The following ESRRB variants were observed in gnomAD, a reference collection of about 807,000 sequenced individuals.
ESRRB encodes the protein estrogen related receptor beta, also known as steroid hormone receptor ERR2.
In ESRRB, 16 loss-of-function variants were observed where a neutral mutation model predicts 46.0. The ratio of observed to expected loss-of-function variants is 0.35; its 90% CI spans 0.24 to 0.53. The LOEUF (loss-of-function observed/expected upper bound fraction) is 0.53. ESRRB is among the 20% of genes least tolerant of loss of function. The pLI, the probability that ESRRB is intolerant of heterozygous loss-of-function variation, is 0.93. For synonymous variants in ESRRB, 246 were observed against 259.6 expected, an observed-to-expected ratio of 0.95 and a Z score of 0.50; for missense variants, 488 against 607.4, an observed-to-expected ratio of 0.80 and a Z score of 2.07.
At chr14:76,341,797 T>A (rs1283680408) in intron 1 of ESRRB, among the ~76,000 whole-genome samples, 1 of 152,176 alleles carries the variant, frequency 6.6e-6, no homozygotes, top group African/African-American at 2.4e-5. Context: ...GGGAAGTGAG[T>A]AAGGCTGGGC....
intron 1 of ESRRB, among the ~76,000 whole-genome samples, chr14:76,352,340 C>T (rs1402000141): frequency 6.6e-6 from 1 of 152,164 alleles, no homozygotes; most frequent in South Asian, 2.1e-4. Context: ...AACCTGTTGG[C>T]GGCCACTGAG....
At chr14:76,447,585 G>A (rs1193093245) in intron 2 of ESRRB, among the ~76,000 whole-genome samples, 1 of 152,078 alleles carries the variant, frequency 6.6e-6, no homozygotes, top group Non-Finnish European at 1.5e-5. Flanking sequence ...GTTGCACGAA[G>A]TCTTAAACAG....
chr14:76,361,406 C>T (rs1213862054), intron 1 of ESRRB, among the ~76,000 whole-genome samples: 1 of 152,166 alleles, frequency 6.6e-6, no homozygotes, highest in East Asian at 1.9e-4. Flanking sequence ...CATTATCTCT[C>T]CATTACCTCC....
chr14:76,326,159 A>G (rs59178434), intron 1 of ESRRB, among the ~76,000 whole-genome samples: 3,572 of 152,068 alleles, frequency 0.023, 150 homozygotes, highest in African/African-American at 0.082. Context: ...TTTCTTGTAT[A>G]CCTGCTCAGA....
intron 1 of ESRRB, among the ~76,000 whole-genome samples, chr14:76,312,502 G>T (rs548185184): frequency 6.6e-6 from 1 of 151,506 alleles, no homozygotes; most frequent in South Asian, 2.1e-4. Flanking sequence ...CAGTAAGACC[G>T]CATTCAGTAG....
chr14:76,358,323 A>AAAAGAAAGAAAGAAAGAAAG (rs869092343), intron 1 of ESRRB, among the ~76,000 whole-genome samples: 28 of 53,098 alleles, frequency 5.3e-4, no homozygotes, highest in Admixed American at 1.2e-3. Context: ...AAAAAAAAAA[A>AAAAGAAAGAAAGAAAGAAAG]AAAGAAAGAA....
At chr14:76,358,901 G>A (rs1884430955) in intron 1 of ESRRB, among the ~76,000 whole-genome samples, 1 of 152,178 alleles carries the variant, frequency 6.6e-6, no homozygotes, top group East Asian at 1.9e-4. Context: ...CATGACTTGA[G>A]CGCTTGTGAA....
At chr14:76,497,975 A>G (rs1890496031) in intron 6 of ESRRB, among the ~76,000 whole-genome samples, 1 of 151,850 alleles carries the variant, frequency 6.6e-6, no homozygotes, top group African/African-American at 2.4e-5. Flanking sequence ...CTCTGCTGCC[A>G]CCCCCTGGTG....
rs1294082707 is a variant in ESRRB, at chr14:76,439,615, G to C, written c.325G>C (p.Ala109Pro). The C allele has an allele frequency of 4.3e-6, 7 of 1,614,106 alleles. No homozygotes were observed. The highest frequency in any genetic ancestry group is 5.9e-6 in the Non-Finnish European group (7 of 1,180,038). Residue 109 changes from alanine to proline, a missense_variant, in exon 2 of 7, where the codon GCC becomes CCC. Physicochemically the swap from Ala to Pro is conservative, Grantham distance 27 (BLOSUM62 -1). Coordinates refer to ENST00000644823, the MANE Select transcript of ESRRB (RefSeq NM_001379180.1). ...TGCCAGCGGCATCATGGAGGACTCGGCCATCAAGTGCGAGTACATGCTCAA... is the reference window on the plus strand; with the variant it reads ...TGCCAGCGGCATCATGGAGGACTCGCCCATCAAGTGCGAGTACATGCTCAA... ...DCASGIMEDS[A>P]IKCEYMLNAI...
intron 1 of ESRRB, among the ~76,000 whole-genome samples, chr14:76,413,204 G>A (rs1000782269): frequency 6.6e-6 from 1 of 152,092 alleles, no homozygotes; most frequent in Non-Finnish European, 1.5e-5. Context: ...CAGTGCTGTT[G>A]GTGTGATGAG....
At position 76,482,199 on chromosome 14, in the gene ESRRB, C is replaced by A; in HGVS notation, c.688+73C>A. The A allele has an allele frequency of 9.0e-7, 1 of 1,110,838 alleles. No homozygotes were observed. Among genetic ancestry groups the A allele is most frequent in the Non-Finnish European group, 1.4e-6 (1 of 731,142 alleles). The allele number at this position is 1,110,838 out of a possible 1,614,324, so 68.8% of individuals were successfully genotyped here. ...GAACATCAGGCATCCCTTAGGGAAA[C>A]ATCATCTTCCCACCACTGGGTCATG... is the stretch of plus-strand genomic sequence containing the variant. On this transcript the variant is annotated intron_variant, in intron 4 of 6. Coordinates refer to ENST00000644823, the MANE Select transcript of ESRRB (RefSeq NM_001379180.1). The surrounding 1 kb of genome is among the most constrained non-coding windows in gnomAD (Gnocchi z 4.3).
At chr14:76,370,238 A>C (rs957240459), upstream of ESRRB, among the ~76,000 whole-genome samples, 9 of 151,808 alleles carry the variant, frequency 5.9e-5, no homozygotes, top group African/African-American at 1.9e-4. Flanking sequence ...AAAAAAAAAA[A>C]AACACAAAAG....
intron 1 of ESRRB, among the ~76,000 whole-genome samples, chr14:76,381,247 C>A (rs1885002495): frequency 6.6e-6 from 1 of 152,074 alleles, no homozygotes; most frequent in Non-Finnish European, 1.5e-5. Flanking sequence ...ATTAGCAGAC[C>A]AGCTCTGGGG....
At position 76,358,311 on chromosome 14, in the gene ESRRB, C is replaced by A. The variant is rs1424720313; in HGVS notation, c.2+47395C>A. Among the ~76,000 whole-genome samples, 35 of 23,112 alleles carry A rather than the reference C, an allele frequency of 1.5e-3. 1 individual carries two copies. Among genetic ancestry groups the A allele is most frequent in the Non-Finnish European group, 2.1e-3 (24 of 11,260 alleles). The allele number at this position is 23,112 out of a possible 152,430, so 15.2% of individuals were successfully genotyped here. A position where few individuals can be genotyped will look rare whatever the true frequency, so the allele number is the denominator to read the frequency against. On this transcript the variant is annotated intron_variant, in intron 1 of 6. Coordinates refer to the ESRRB transcript ENST00000512784. ...TGGGATACGGAGCAAGACTCTGTCT[C>A]AAAAAAAAAAAAAAAGAAAGAAAGA... is the stretch of plus-strand genomic sequence containing the variant.
intron 1 of ESRRB, among the ~76,000 whole-genome samples, chr14:76,436,646 T>C (rs889826424): frequency 7.2e-5 from 11 of 152,302 alleles, no homozygotes; most frequent in East Asian, 1.9e-4. Context: ...CCCTGTTGGC[T>C]CATCACATGC....
chr14:76,369,058 G>A (rs1001529930), upstream of ESRRB, among the ~76,000 whole-genome samples: 1 of 151,700 alleles, frequency 6.6e-6, no homozygotes, highest in Middle Eastern at 3.2e-3. Flanking sequence ...TTAGCTGGGT[G>A]CGGTGGTGCG....
intron 1 of ESRRB, among the ~76,000 whole-genome samples, chr14:76,377,962 C>T (rs534009213): frequency 6.6e-6 from 1 of 152,096 alleles, no homozygotes; most frequent in African/African-American, 2.4e-5. Flanking sequence ...ATAATGGATT[C>T]CGATTTCCAT....
chr14:76,411,290 A>T (rs189679201), intron 1 of ESRRB, among the ~76,000 whole-genome samples: 40 of 152,096 alleles, frequency 2.6e-4, no homozygotes, highest in Non-Finnish European at 5.1e-4. Flanking sequence ...TCTACTAAAA[A>T]TACAAAAATT....
chr14:76,499,909 C>A lies in ESRRB; in HGVS notation c.*1451C>A, dbSNP rs1485778712. 3.1e-6 allele frequency: 5 copies of A among 1,614,154 alleles called. No individual in the cohort carries two copies. Among genetic ancestry groups the A allele is most frequent in the Non-Finnish European group, 4.2e-6 (5 of 1,180,012 alleles). ...GGATCTCCCAAGGATGAAAGAATGT[C>A]AAGCCATGATGGAAAATGCCCCTTC... On this transcript the variant is annotated 3_prime_UTR_variant, in exon 7 of 7. Transcript: ENST00000644823.
Sources: gnomAD v4.1 joint callset for allele counts (sites outside exome capture counted in the v4.1 genomes callset) on GRCh38, gnomAD v4.1.1 for gene constraint, Gnocchi (gnomAD v3.1) non-coding constraint, MANE v1.5 for transcripts, NCBI Gene and HGNC (gene_info 2026-07-23, HGNC 2026-07-21) for gene names.